Variants in GAB2 observed in about 807,000 individuals in gnomAD.
GAB2 encodes the protein GRB2-associated-binding protein 2.
In GAB2, 26 loss-of-function variants were observed where a neutral mutation model predicts 65.5. That is an observed-to-expected ratio of 0.40 (90% CI 0.29 to 0.55). The LOEUF (loss-of-function observed/expected upper bound fraction) is 0.55, where lower values mean the gene tolerates loss of function less well. GAB2 is among the 20% of genes least tolerant of loss of function. GAB2 has a pLI of 0.53. For missense variants in GAB2, 884 were observed against 875.8 expected (o/e 1.01, Z -0.12); for synonymous variants, 321 against 329.6 (o/e 0.97, Z 0.28).
At position 78,261,035 on chromosome 11, in the gene GAB2, C is replaced by T. The variant is rs147782004; in HGVS notation, c.377-10635G>A. 4.6e-3 allele frequency among the ~76,000 whole-genome samples: 701 copies of T among 152,028 alleles called. 4 individuals are homozygous for T. Among genetic ancestry groups the T allele is most frequent in the African/African-American group, 0.016 (671 of 41,388 alleles). ...GACCAGCCTGGGCAACACTGGAAGA[C>T]GCTGTCTGTCTGTCTCTATATATGT... is the stretch of plus-strand genomic sequence containing the variant. On this transcript the variant is annotated intron_variant, in intron 2 of 9. Transcript: ENST00000361507.
At chr11:78,307,280 T>G (rs1379480529) in intron 1 of GAB2, among the ~76,000 whole-genome samples, 1 of 152,054 alleles carries the variant, frequency 6.6e-6, no homozygotes, top group Admixed American at 6.6e-5. Context: ...ACCAAAGGAA[T>G]CAAAACTCTC....
intron 2 of GAB2, among the ~76,000 whole-genome samples, chr11:78,276,127 A>G (rs1386736620): frequency 6.7e-6 from 1 of 150,270 alleles, no homozygotes; most frequent in South Asian, 2.1e-4. Flanking sequence ...AAAAAAAAAA[A>G]AGAAGAAGAA....
At chr11:78,396,115 T>C (rs1386043428) in intron 1 of GAB2, among the ~76,000 whole-genome samples, 2 of 152,212 alleles carry the variant, frequency 1.3e-5, no homozygotes, top group Non-Finnish European at 2.9e-5. Context: ...AATTTTCATA[T>C]ACTAATGACT....
intron 1 of GAB2, among the ~76,000 whole-genome samples, chr11:78,290,317 T>C (rs1015094356): frequency 3.3e-5 from 5 of 152,168 alleles, no homozygotes; most frequent in Non-Finnish European, 7.3e-5. Context: ...GGATCAAGGG[T>C]ATGCCACTCC....
At chr11:78,327,215 T>G (rs1343261975) in intron 1 of GAB2, among the ~76,000 whole-genome samples, 1 of 152,202 alleles carries the variant, frequency 6.6e-6, no homozygotes, top group African/African-American at 2.4e-5. Flanking sequence ...TCTGTACATG[T>G]CTGATTCACT....
rs1275201374 is a variant in GAB2, at chr11:78,288,209, A to G, written c.76-7308T>C. Among the ~76,000 whole-genome samples, 4 of 151,106 alleles carry G rather than the reference A, an allele frequency of 2.6e-5. No individual in the cohort carries two copies. The East Asian group carries it at 6.0e-4, about 22-fold the overall frequency. On this transcript the variant is annotated intron_variant, in intron 1 of 9. Transcript: ENST00000361507. ...AGCCTGGCCAACATGGTGAAATCCC[A>G]TCTCTACTAAAATACAAAAATTAGC...
At chr11:78,330,229 T>C (rs1055139210) in intron 1 of GAB2, among the ~76,000 whole-genome samples, 1 of 152,204 alleles carries the variant, frequency 6.6e-6, no homozygotes, top group African/African-American at 2.4e-5. Context: ...GCTCTAGTTC[T>C]TCCTATCATT....
At chr11:78,314,572 G>T (rs1855562929) in intron 1 of GAB2, among the ~76,000 whole-genome samples, 1 of 152,154 alleles carries the variant, frequency 6.6e-6, no homozygotes, top group Non-Finnish European at 1.5e-5. Flanking sequence ...GATAAAACAA[G>T]TCTTCCCTGT....
chr11:78,305,474 T>C (rs1286156338), intron 1 of GAB2, among the ~76,000 whole-genome samples: 1 of 151,960 alleles, frequency 6.6e-6, no homozygotes, highest in Non-Finnish European at 1.5e-5. Context: ...AGAGGGGAGG[T>C]GGCACAGGGA....
At chr11:78,263,356 G>A (rs879425452) in intron 2 of GAB2, among the ~76,000 whole-genome samples, 30 of 146,510 alleles carry the variant, frequency 2.0e-4, no homozygotes, top group Non-Finnish European at 2.9e-4. Flanking sequence ...GAGTCTGGCC[G>A]GGCGCAGTCA....
At chr11:78,360,547 C>G (rs1318893459) in intron 1 of GAB2, among the ~76,000 whole-genome samples, 1 of 152,094 alleles carries the variant, frequency 6.6e-6, no homozygotes, top group Non-Finnish European at 1.5e-5. Flanking sequence ...ATTAATTTAA[C>G]ATAAACTCAG....
chr11:78,323,566 T>C (rs777749102), intron 1 of GAB2, among the ~76,000 whole-genome samples: 2 of 151,660 alleles, frequency 1.3e-5, no homozygotes, highest in Non-Finnish European at 1.5e-5. Flanking sequence ...TGTTCTCACT[T>C]ATATGTGGGA....
chr11:78,417,809 G>C lies in GAB2; in HGVS notation c.-89C>G, dbSNP rs1019214880. 1.5e-5 allele frequency: 9 copies of C among 610,542 alleles called. No homozygotes were observed. The highest frequency in any genetic ancestry group is 1.9e-5 in the Non-Finnish European group (9 of 485,990). 37.8% of individuals were successfully genotyped at this position (610,542 alleles called of 1,614,324 possible). ...CAGCGGCCGGCGGTGCGCAGCTCGC[G>C]GGAGGCCAGGGGCGGGGCGGGCGGC... is the stretch of plus-strand genomic sequence containing the variant. On this transcript the variant is annotated 5_prime_UTR_variant, in exon 1 of 10. Coordinates refer to ENST00000361507, the MANE Select transcript of GAB2 (RefSeq NM_080491.3).
chr11:78,282,011 G>A (rs902904570), intron 1 of GAB2, among the ~76,000 whole-genome samples: 6 of 152,164 alleles, frequency 3.9e-5, no homozygotes, highest in Non-Finnish European at 5.9e-5. Context: ...CAGAGAAACT[G>A]CTCTAAAAAC....
At chr11:78,300,029 G>T (rs1282118883) in intron 1 of GAB2, among the ~76,000 whole-genome samples, 1 of 152,010 alleles carries the variant, frequency 6.6e-6, no homozygotes, top group Non-Finnish European at 1.5e-5. Flanking sequence ...TTTTACAAAT[G>T]TATTTACCAT....
At chr11:78,246,491 G>T (rs1474133293) in intron 3 of GAB2, among the ~76,000 whole-genome samples, 1 of 151,804 alleles carries the variant, frequency 6.6e-6, no homozygotes, top group Non-Finnish European at 1.5e-5. Context: ...CCATGGAGAA[G>T]TGCTATTTTT....
At chr11:78,375,091 C>A (rs1856616431) in intron 1 of GAB2, among the ~76,000 whole-genome samples, 1 of 152,172 alleles carries the variant, frequency 6.6e-6, no homozygotes, top group Non-Finnish European at 1.5e-5. Context: ...GTCACCCACA[C>A]TAGAGTGCAA....
intron 8 of GAB2, among the ~76,000 whole-genome samples, chr11:78,221,137 A>G (rs546125304): frequency 6.6e-6 from 1 of 152,346 alleles, no homozygotes; most frequent in African/African-American, 2.4e-5. Flanking sequence ...TTCTAATGAG[A>G]AGGTGATAGT....
chr11:78,358,921 ACAAAC>A (rs896930001), intron 1 of GAB2, among the ~76,000 whole-genome samples: 3 of 152,182 alleles, frequency 2.0e-5, no homozygotes, highest in Admixed American at 1.3e-4. Flanking sequence ...ACTTTTGAAA[ACAAAC>A]CAAACTGAAT....
Sources: gnomAD v4.1 joint callset for allele counts (sites outside exome capture counted in the v4.1 genomes callset) on GRCh38, gnomAD v4.1.1 for gene constraint, MANE v1.5 for transcripts, NCBI Gene and HGNC (gene_info 2026-07-23, HGNC 2026-07-21) for gene names.